WIPI1: variants seen among roughly 807,000 people sequenced by gnomAD.
The protein encoded by WIPI1 is WD repeat domain phosphoinositide-interacting protein 1.
In WIPI1, 45 loss-of-function variants were observed where a neutral mutation model predicts 55.3. The observed-to-expected ratio is 0.81, with a 90% CI of 0.64 to 1.04. WIPI1 has a LOEUF of 1.04. WIPI1 is among the 50% of genes least tolerant of loss of function. The pLI is 0.00. For synonymous variants in WIPI1, 195 were observed against 217.6 expected, an observed-to-expected ratio of 0.90 and a Z score of 0.92; for missense variants, 445 against 559.0, an observed-to-expected ratio of 0.80 and a Z score of 2.06.
At chr17:68,441,144 T>C (rs577725579) in intron 4 of WIPI1, 1 of 152,300 alleles carries the variant, frequency 6.6e-6, no homozygotes, top group African/African-American at 2.4e-5. Context: ...AGGACTTTCA[T>C]GGAGATTTCC....
intron 2 of WIPI1, among the ~76,000 whole-genome samples, chr17:68,451,934 T>C (rs2084515716): frequency 6.6e-6 from 1 of 152,220 alleles, no homozygotes; most frequent in Non-Finnish European, 1.5e-5. Flanking sequence ...CAGGGAACAA[T>C]GTGGGACAGA....
At chr17:68,426,012 A>T (rs2083144247) in intron 12 of WIPI1, 63 bp downstream of exon 12, 2 of 1,314,052 alleles carry the variant, frequency 1.5e-6, no homozygotes, top group African/African-American at 1.4e-5. Context: ...CTCTCGTATG[A>T]GGCGAAGGTT....
intron 10 of WIPI1, among the ~76,000 whole-genome samples, chr17:68,427,996 TC>T (rs2083312213): frequency 6.6e-6 from 1 of 152,066 alleles, no homozygotes; most frequent in South Asian, 2.1e-4. Context: ...GCTCAGGTGA[TC>T]CCCCCACCTC....
intron 8 of WIPI1, among the ~76,000 whole-genome samples, chr17:68,430,606 G>C (rs756374567): frequency 1.3e-5 from 2 of 152,270 alleles, no homozygotes; most frequent in South Asian, 4.1e-4. Context: ...GCAAACCTCC[G>C]GGCAAGACAC....
In WIPI1 at chr17:68,428,828, C is replaced by A. The variant is rs1285545698; in HGVS notation, c.1073+1G>T. 1.2e-6 allele frequency: 2 copies of A among 1,611,024 alleles called. No individual in the cohort carries two copies. The highest frequency in any genetic ancestry group is 3.3e-5 in the Admixed American group (2 of 59,994). On this transcript the variant is annotated splice_donor_variant, in intron 10 of 12. Coordinates refer to ENST00000262139, the MANE Select transcript of WIPI1 (RefSeq NM_017983.7). LOFTEE classifies it high-confidence loss of function. ...TGTCTTTTGAAAAGCAGTCTCTTCA[C>A]CTGTGGGTTTTGATTAAGACACACT...
In WIPI1 at chr17:68,424,359, C is replaced by T. The variant is rs188513993; in HGVS notation, c.1293+1716G>A. 1.9e-4 allele frequency: 95 copies of T among 501,582 alleles called. 1 individual carries two copies. The highest frequency in any genetic ancestry group is 1.7e-3 in the African/African-American group (85 of 51,384). 31.1% of individuals were successfully genotyped at this position (501,582 alleles called of 1,614,324 possible). A position where few individuals can be genotyped will look rare whatever the true frequency, so the allele number is the denominator to read the frequency against. ...CCCAGCCCTGCATGCAGGGCCCCAC[C>T]GCAGCTTTGTTTTCTAAGCCAAATG... On this transcript the variant is annotated intron_variant, in intron 12 of 12. Coordinates refer to ENST00000262139, the MANE Select transcript of WIPI1 (RefSeq NM_017983.7).
chr17:68,453,109 G>C (rs1477206752), intron 1 of WIPI1, 117 bp from the exon 2 acceptor site: 2 of 734,640 alleles, frequency 2.7e-6, no homozygotes, highest in African/African-American at 3.5e-5. Context: ...GCATCTGCAG[G>C]AGCTTAGATC....
chr17:68,426,251 G>GGGGGGGGGGGGT, intron 11 of WIPI1, 76 bp from the exon 12 acceptor site: 4 of 825,460 alleles, frequency 4.8e-6, no homozygotes, highest in South Asian at 1.3e-5. Context: ...GTGGGGAGCG[G>GGGGGGGGGGGGT]GGGCTCAAAT....
At chr17:68,436,620 C>CTGA in intron 4 of WIPI1, 141 bp from the exon 5 acceptor site, 1 of 692,150 alleles carries the variant, frequency 1.4e-6, no homozygotes, top group Non-Finnish European at 2.4e-6. Context: ...CTGCTTTCCG[C>CTGA]TGATGATTCT....
chr17:68,435,594 A>C (rs1477278443), intron 6 of WIPI1, 26 bp downstream of exon 6: 1 of 1,609,774 alleles, frequency 6.2e-7, no homozygotes. Flanking sequence ...AAACCCAGAC[A>C]GAGGTGTTGG....
At chr17:68,435,744 G>A in intron 5 of WIPI1, 32 bp from the exon 6 acceptor site, 1 of 1,598,218 alleles carries the variant, frequency 6.3e-7, no homozygotes, top group South Asian at 1.1e-5. Flanking sequence ...GGATACAGAT[G>A]CTGCGGAGGA....
At chr17:68,439,648 T>C (rs2083991822) in intron 4 of WIPI1, among the ~76,000 whole-genome samples, 1 of 152,236 alleles carries the variant, frequency 6.6e-6, no homozygotes, top group African/African-American at 2.4e-5. Flanking sequence ...AAAAAAGATT[T>C]TCAAATTTTA....
chr17:68,430,764 T>C (rs974559374), intron 8 of WIPI1, among the ~76,000 whole-genome samples: 5 of 152,112 alleles, frequency 3.3e-5, no homozygotes, highest in Non-Finnish European at 5.9e-5. Context: ...GGGGTGACTG[T>C]TCTGTTGGTG....
At chr17:68,432,209 C>T (rs1020238930) in intron 8 of WIPI1, among the ~76,000 whole-genome samples, 4 of 152,240 alleles carry the variant, frequency 2.6e-5, no homozygotes, top group Non-Finnish European at 4.4e-5. Context: ...TCATACACCA[C>T]TGGGGGTGGG....
intron 4 of WIPI1, among the ~76,000 whole-genome samples, chr17:68,438,951 T>C (rs1010925408): frequency 6.6e-6 from 1 of 152,200 alleles, no homozygotes; most frequent in Non-Finnish European, 1.5e-5. Flanking sequence ...GAGATACCAC[T>C]GTACAACCAC....
chr17:68,422,228 C>G (rs1291664719), intron 12 of WIPI1: 1 of 170,228 alleles, frequency 5.9e-6, no homozygotes. Flanking sequence ...GAGTTTGAGA[C>G]CAGCCTGGCC....
At chr17:68,435,380 C>T (rs1036363863) in intron 6 of WIPI1, among the ~76,000 whole-genome samples, 2 of 152,186 alleles carry the variant, frequency 1.3e-5, no homozygotes, top group Non-Finnish European at 2.9e-5. Context: ...CATAAGACCA[C>T]GAGTTTTCAT....
chr17:68,449,677 C>T (rs185510350), intron 3 of WIPI1, among the ~76,000 whole-genome samples: 233 of 152,314 alleles, frequency 1.5e-3, no homozygotes, highest in Non-Finnish European at 2.9e-3. Context: ...CTTTGCCTTC[C>T]GCCATGAATC....
intron 12 of WIPI1, among the ~76,000 whole-genome samples, chr17:68,425,119 G>T (rs12948224): frequency 6.6e-6 from 1 of 152,120 alleles, no homozygotes; most frequent in Admixed American, 6.5e-5. Flanking sequence ...GTGGGAACAG[G>T]CTGAGCAGGT....
Sources: allele counts gnomAD v4.1 joint callset (sites outside exome capture counted in the v4.1 genomes callset), GRCh38; gene constraint gnomAD v4.1.1; transcripts MANE v1.5; gene names NCBI Gene and HGNC (gene_info 2026-07-23, HGNC 2026-07-21).